ZNF827: variants seen among roughly 807,000 people sequenced by gnomAD.
The protein encoded by ZNF827 is zinc finger protein 827.
A neutral mutation model predicts 102.4 loss-of-function variants in ZNF827; 13 were observed. The ratio of observed to expected loss-of-function variants is 0.13; its 90% CI spans 0.08 to 0.20. ZNF827 has a LOEUF of 0.20. Ranked by LOEUF, ZNF827 falls within the 10% of genes least tolerant of loss-of-function variation. ZNF827 has a pLI of 1.00. For missense variants in ZNF827, 1,103 were observed against 1,344.4 expected (o/e 0.82, Z 2.81); for synonymous variants, 523 against 536.2 (o/e 0.98, Z 0.34).
intron 4 of ZNF827, among the ~76,000 whole-genome samples, chr4:145,885,282 C>T (rs1328465546): frequency 6.6e-6 from 1 of 151,772 alleles, no homozygotes; most frequent in Non-Finnish European, 1.5e-5. Context: ...TGAATAATGC[C>T]AAAATGAGGT....
intron 1 of ZNF827, among the ~76,000 whole-genome samples, chr4:145,937,721 A>C (rs1167671828): frequency 3.9e-4 from 13 of 33,680 alleles, no homozygotes; most frequent in South Asian, 9.5e-4. Flanking sequence ...CGCCTCCTCC[A>C]CCTCCGCCTC....
At chr4:145,817,391 C>T (rs1481989438) in intron 8 of ZNF827, among the ~76,000 whole-genome samples, 1 of 152,136 alleles carries the variant, frequency 6.6e-6, no homozygotes, top group Non-Finnish European at 1.5e-5. Flanking sequence ...TATTTTCACA[C>T]TGCTATAAAA....
intron 8 of ZNF827, among the ~76,000 whole-genome samples, chr4:145,787,602 A>C (rs1423558610): frequency 6.6e-6 from 1 of 152,160 alleles, no homozygotes; most frequent in East Asian, 1.9e-4. Flanking sequence ...ATGCTTAACA[A>C]ACTTAGTAAA....
chr4:145,765,874 C>CAG lies in ZNF827; in HGVS notation c.2861-137_2861-136insCT. On this transcript the variant is annotated intron_variant, in intron 11 of 14. Coordinates refer to ENST00000508784, the MANE Select transcript of ZNF827 (RefSeq NM_001306215.2). The surrounding 1 kb of genome is among the most constrained non-coding windows in gnomAD (Gnocchi z 4.7). ...CAGGCTCATGTCCCCAGCTCCCCCACTGCTGGGGGATCCCAGGTCCTAAGG... is the reference window on the plus strand; with the variant it reads ...CAGGCTCATGTCCCCAGCTCCCCCACAGTGCTGGGGGATCCCAGGTCCTAAGG... 7 of 829,806 alleles carry CAG rather than the reference C, an allele frequency of 8.4e-6. No individual in the cohort carries two copies. Among genetic ancestry groups the CAG allele is most frequent in the Non-Finnish European group, 1.3e-5 (7 of 552,506 alleles). The allele number at this position is 829,806 out of a possible 1,614,324, so 51.4% of individuals were successfully genotyped here. A position where few individuals can be genotyped will look rare whatever the true frequency, so the allele number is the denominator to read the frequency against.
At chr4:145,867,668 A>G (rs1397237375) in intron 5 of ZNF827, among the ~76,000 whole-genome samples, 1 of 152,226 alleles carries the variant, frequency 6.6e-6, no homozygotes, top group African/African-American at 2.4e-5. Context: ...TCCTTGCATA[A>G]CTAAGTATCC....
chr4:145,779,993 C>A (rs1737730165), intron 8 of ZNF827, among the ~76,000 whole-genome samples: 1 of 152,160 alleles, frequency 6.6e-6, no homozygotes, highest in South Asian at 2.1e-4. Flanking sequence ...AAGTTCAAGA[C>A]CAGCCTGGCC....
At chr4:145,883,159 T>C (rs1215598925) in intron 4 of ZNF827, among the ~76,000 whole-genome samples, 1 of 152,152 alleles carries the variant, frequency 6.6e-6, no homozygotes. Context: ...CAAGTTTACA[T>C]TTACATCCAA....
At chr4:145,885,594 T>G in intron 4 of ZNF827, 84 bp downstream of exon 4, 2 of 1,465,988 alleles carry the variant, frequency 1.4e-6, no homozygotes, top group Non-Finnish European at 1.8e-6. Flanking sequence ...CAAATAAGAA[T>G]ACTGGTAGAC....
At chr4:145,908,650 A>G (rs1752055554) in intron 1 of ZNF827, among the ~76,000 whole-genome samples, 1 of 152,242 alleles carries the variant, frequency 6.6e-6, no homozygotes, top group Admixed American at 6.5e-5. Context: ...GTTTACTACA[A>G]AAGTTATTAG....
chr4:145,836,386 C>T (rs1272713933), intron 7 of ZNF827, among the ~76,000 whole-genome samples: 18 of 152,200 alleles, frequency 1.2e-4, no homozygotes, highest in Non-Finnish European at 8.8e-5. Flanking sequence ...GCCCTCGTGT[C>T]TGCGTGCAGT....
intron 7 of ZNF827, among the ~76,000 whole-genome samples, chr4:145,827,572 G>A (rs1272305578): frequency 6.6e-6 from 1 of 152,186 alleles, no homozygotes; most frequent in Admixed American, 6.5e-5. Flanking sequence ...AATGAAGAAG[G>A]AAGGGTAAAG....
At chr4:145,831,365 T>G (rs1744194868) in intron 7 of ZNF827, 1 of 152,232 alleles carries the variant, frequency 6.6e-6, no homozygotes, top group African/African-American at 2.4e-5. Flanking sequence ...GAGGGGCAGT[T>G]GTGAATAAAA....
intron 8 of ZNF827, among the ~76,000 whole-genome samples, chr4:145,786,512 T>C (rs958199002): frequency 3.3e-5 from 5 of 152,246 alleles, no homozygotes; most frequent in African/African-American, 1.2e-4. Flanking sequence ...CTTTCTTTCA[T>C]GATCAAGGCT....
intron 11 of ZNF827, among the ~76,000 whole-genome samples, chr4:145,767,407 A>C (rs186583167): frequency 3.5e-4 from 54 of 152,292 alleles, no homozygotes; most frequent in Middle Eastern, 6.8e-3. Flanking sequence ...GGGAAGCTTA[A>C]AATAAGTTTA....
chr4:145,884,439 A>G (rs1749935851), intron 4 of ZNF827, among the ~76,000 whole-genome samples: 3 of 152,278 alleles, frequency 2.0e-5, no homozygotes, highest in South Asian at 4.1e-4. Context: ...ATTATTCTCC[A>G]TTTAAAAGGG....
At position 145,934,984 on chromosome 4, in the gene ZNF827, C is replaced by T. The variant is rs545309674; in HGVS notation, c.43+3381G>A. ...CAATATATTAACAGTGGCTATTAAC[C>T]TCTTTTGTATTTACTCAAAAGGGCT... On this transcript the variant is annotated intron_variant, in intron 1 of 14. Transcript: ENST00000508784. 1.1e-4 allele frequency among the ~76,000 whole-genome samples: 17 copies of T among 152,316 alleles called. No homozygotes were observed. In the East Asian group the frequency reaches 3.1e-3, roughly 28 times the overall value.
intron 5 of ZNF827, among the ~76,000 whole-genome samples, chr4:145,850,675 G>A (rs1355923521): frequency 6.6e-6 from 1 of 152,072 alleles, no homozygotes; most frequent in East Asian, 1.9e-4. Context: ...AATAACTTGG[G>A]TCGCTATAAA....
In ZNF827 at chr4:145,765,804, GGGTGACGA is replaced by G. The variant is rs1560889555; in HGVS notation, c.2861-74_2861-67del. The G allele has an allele frequency of 9.2e-6, 14 of 1,521,224 alleles. No homozygotes were observed. The highest frequency in any genetic ancestry group is 1.1e-5 in the Non-Finnish European group (12 of 1,119,788). 94.2% of individuals were successfully genotyped at this position (1,521,224 alleles called of 1,614,324 possible). A position where few individuals can be genotyped will look rare whatever the true frequency, so the allele number is the denominator to read the frequency against. On this transcript the variant is annotated intron_variant, in intron 11 of 14. Transcript: ENST00000508784. The surrounding 1 kb of genome is among the most constrained non-coding windows in gnomAD (Gnocchi z 4.7). ...AAATCCTCAGAATTATAGCAACTGA[GGGTGACGA>G]GTTGAGTCTCATGGATGCATCATCA...
intron 1 of ZNF827, among the ~76,000 whole-genome samples, chr4:145,927,091 C>T (rs915455430): frequency 1.3e-5 from 2 of 152,118 alleles, no homozygotes; most frequent in African/African-American, 2.4e-5. Context: ...TTTCCTGGAG[C>T]GTAGGGTCTC....
Sources: gnomAD v4.1 joint callset for allele counts (sites outside exome capture counted in the v4.1 genomes callset) on GRCh38, gnomAD v4.1.1 for gene constraint, Gnocchi (gnomAD v3.1) non-coding constraint, MANE v1.5 for transcripts, NCBI Gene and HGNC (gene_info 2026-07-23, HGNC 2026-07-21) for gene names.